The following SLC25A30 variants were observed in gnomAD, a reference collection of about 807,000 sequenced individuals.
The protein encoded by SLC25A30 is solute carrier family 25 member 30, also known as kidney mitochondrial carrier protein 1.
Under a neutral mutation model 42.7 loss-of-function variants are expected in SLC25A30, and 29 were observed. That is an observed-to-expected ratio of 0.68 (90% confidence interval 0.51 to 0.93). The LOEUF (loss-of-function observed/expected upper bound fraction) is 0.93, where lower values mean the gene tolerates loss of function less well. Ranked by LOEUF, SLC25A30 falls within the 40% of genes least tolerant of loss-of-function variation. SLC25A30 has a pLI of 0.00. For missense variants in SLC25A30, 300 were observed against 359.7 expected (o/e 0.83, Z 1.34); for synonymous variants, 124 against 131.0 (o/e 0.95, Z 0.37).
chr13:45,427,582 G>C, the SLC25A30 span, among the ~76,000 whole-genome samples: 1 of 152,024 alleles, frequency 6.6e-6, no homozygotes, highest in African/African-American at 2.4e-5. Context: ...ATAATCATCT[G>C]TACCCTACTG....
chr13:45,432,473 T>C, the SLC25A30 span, among the ~76,000 whole-genome samples: 1 of 152,126 alleles, frequency 6.6e-6, no homozygotes, highest in East Asian at 1.9e-4. Flanking sequence ...ATTATCATTA[T>C]TCCACACATC....
At chr13:45,409,173 A>G (rs1882788225) in intron 2 of SLC25A30, 99 bp from the exon 3 acceptor site, 1 of 848,332 alleles carries the variant, frequency 1.2e-6, no homozygotes. Context: ...ACTACAATAT[A>G]AACTAAGAAA....
Position 45,395,540 on chromosome 13 carries a change from AAATTCAGAAACC to A in SLC25A30, c.*422_*433del. ...GTTGACAAGGAGCAAAATCTCCCAG[AAATTCAGAAACC>A]ATAACACCTTCTCGGAGGCTCCATT... On this transcript the variant is annotated 3_prime_UTR_variant, in exon 10 of 10. Coordinates refer to ENST00000519676, the MANE Select transcript of SLC25A30 (RefSeq NM_001010875.4). The A allele has an allele frequency of 9.5e-7, 1 of 1,052,184 alleles. No individual in the cohort carries two copies. The highest frequency in any genetic ancestry group is 3.4e-5 in the South Asian group (1 of 29,528). The allele number at this position is 1,052,184 out of a possible 1,614,324, so 65.2% of individuals were successfully genotyped here.
upstream of SLC25A30, among the ~76,000 whole-genome samples, chr13:45,422,616 T>C (rs758555550): frequency 6.6e-6 from 1 of 152,178 alleles, no homozygotes; most frequent in Non-Finnish European, 1.5e-5. Context: ...GGTAGGGACC[T>C]AGGTTGCTGC....
chr13:45,423,693 T>A, the SLC25A30 span, among the ~76,000 whole-genome samples: 17 of 15,906 alleles, frequency 1.1e-3, 1 homozygote, highest in African/African-American at 9.1e-3. Flanking sequence ...TAAATATATA[T>A]AAATATATAA....
chr13:45,399,868 T>C (rs1388455615), intron 7 of SLC25A30, among the ~76,000 whole-genome samples: 1 of 151,896 alleles, frequency 6.6e-6, no homozygotes, highest in African/African-American at 2.4e-5. Flanking sequence ...GACCATACTT[T>C]ATATCAATTA....
In SLC25A30 at chr13:45,411,365, A is replaced by C; in HGVS notation, c.61T>G (p.Cys21Gly). The C allele has an allele frequency of 1.2e-6, 2 of 1,613,354 alleles. No individual in the cohort carries two copies. The highest frequency in any genetic ancestry group is 2.2e-5 in the South Asian group (2 of 91,066). Residue 21 changes from cysteine to glycine, a missense_variant, in exon 2 of 10, where the codon TGC becomes GGC. Physicochemically the swap from Cys to Gly is radical, Grantham distance 159. Transcript: ENST00000519676. ...TCCACCACCCTCAGGTCCTTACCGC[A>C]CTCAGCAGTGATGGAGGCCAGCCCC... Reference protein sequence around the residue: ...YGGLASITAECGTFPIDLTKT... With the variant: ...YGGLASITAEGGTFPIDLTKT...
chr13:45,410,692 G>A (rs1882933901), intron 2 of SLC25A30, among the ~76,000 whole-genome samples: 1 of 152,104 alleles, frequency 6.6e-6, no homozygotes, highest in South Asian at 2.1e-4. Context: ...CACATCTGTA[G>A]TCTCACCTAC....
Position 45,394,648 on chromosome 13 carries a change from G to C in SLC25A30, c.*1326C>G. 2 of 985,132 alleles carry C rather than the reference G, an allele frequency of 2.0e-6. No individual in the cohort carries two copies. The highest frequency in any genetic ancestry group is 2.4e-6 in the Non-Finnish European group (2 of 829,852). The allele number at this position is 985,132 out of a possible 1,614,324, so 61.0% of individuals were successfully genotyped here. A position where few individuals can be genotyped will look rare whatever the true frequency, so the allele number is the denominator to read the frequency against. On this transcript the variant is annotated 3_prime_UTR_variant, in exon 10 of 10. Coordinates refer to ENST00000519676, the MANE Select transcript of SLC25A30 (RefSeq NM_001010875.4). Reference sequence around the variant, plus strand: ...CTAAGATGAAGACAAGAAGGAAGAGGGCTCTTTCTCTGAAGCAGGTTAGAG... The same window carrying C: ...CTAAGATGAAGACAAGAAGGAAGAGCGCTCTTTCTCTGAAGCAGGTTAGAG...
At chr13:45,410,122 A>C (rs540862344) in intron 2 of SLC25A30, among the ~76,000 whole-genome samples, 1 of 152,344 alleles carries the variant, frequency 6.6e-6, no homozygotes, top group South Asian at 2.1e-4. Context: ...CAGCTGCTCA[A>C]TCAGTGTTTG....
rs188015259 is a variant in SLC25A30 at position 45,401,351 on chromosome 13, G to A, written c.490-144C>T. ...AGGCAGAAATGTAGAGTGACAGAGC[G>A]GAAAAGATCACAGAGCAAGAACTCA... is the stretch of plus-strand genomic sequence containing the variant. On this transcript the variant is annotated intron_variant, in intron 6 of 9. Transcript: ENST00000519676. 152 of 800,044 alleles carry A rather than the reference G, an allele frequency of 1.9e-4. 1 individual carries two copies. In the East Asian group the frequency reaches 3.6e-3, roughly 19 times the overall value. The allele number at this position is 800,044 out of a possible 1,614,324, so 49.6% of individuals were successfully genotyped here.
At chr13:45,424,059 AAATATATATATT>A in the SLC25A30 span, among the ~76,000 whole-genome samples, 2 of 105,524 alleles carry the variant, frequency 1.9e-5, no homozygotes, top group African/African-American at 8.0e-5. Context: ...AAATCTATAA[AAATATATATATT>A]TATATAAATA....
the SLC25A30 span, among the ~76,000 whole-genome samples, chr13:45,430,914 A>T: frequency 1.3e-5 from 2 of 152,056 alleles, no homozygotes; most frequent in African/African-American, 4.8e-5. Context: ...CTCTCTATGA[A>T]TCTCTAAATA....
chr13:45,420,131 A>G (rs184989403), upstream of SLC25A30: 5 of 152,352 alleles, frequency 3.3e-5, no homozygotes, highest in East Asian at 9.7e-4. Context: ...TTCAAGACAA[A>G]GAAATGTTAT....
chr13:45,397,902 A>C, intron 8 of SLC25A30: 1 of 985,600 alleles, frequency 1.0e-6, no homozygotes, highest in Non-Finnish European at 1.2e-6. Flanking sequence ...AAAAAATTAG[A>C]TTTAATTCCA....
upstream of SLC25A30, among the ~76,000 whole-genome samples, chr13:45,418,940 CAAAAAAAAAAAAAAAA>C (rs1168457204): frequency 1.3e-4 from 2 of 14,908 alleles, no homozygotes; most frequent in Non-Finnish European, 2.7e-4. Flanking sequence ...GACTTCGTCT[CAAAAAAAAAAAAAAAA>C]AAAAAAAAAA....
chr13:45,396,956 C>G, intron 9 of SLC25A30: 1 of 311,276 alleles, frequency 3.2e-6, no homozygotes. Flanking sequence ...GGCTATAAAG[C>G]CAATCCTCCT....
intron 1 of SLC25A30, among the ~76,000 whole-genome samples, chr13:45,415,765 A>T (rs1169683096): frequency 6.7e-6 from 1 of 148,566 alleles, no homozygotes; most frequent in African/African-American, 2.4e-5. Flanking sequence ...AAAAAAAAAA[A>T]GAAAGAAAGC....
At chr13:45,431,246 C>T in the SLC25A30 span, among the ~76,000 whole-genome samples, 71,970 of 71,994 alleles carry the variant, frequency 1, 35,973 homozygotes, top group Middle Eastern at 1. Context: ...AGGGTTTCAC[C>T]ATGTTGCCTA....
Sources: allele counts gnomAD v4.1 joint callset (sites outside exome capture counted in the v4.1 genomes callset), GRCh38; gene constraint gnomAD v4.1.1; transcripts MANE v1.5; gene names NCBI Gene and HGNC (gene_info 2026-07-23, HGNC 2026-07-21).